SIRPG: variants seen among roughly 807,000 people sequenced by gnomAD.
SIRPG encodes signal-regulatory protein gamma.
SIRPG carries 38 observed loss-of-function variants against 35.7 expected under a neutral mutation model. That is an observed-to-expected ratio of 1.06 (90% CI 0.82 to 1.40). The LOEUF (loss-of-function observed/expected upper bound fraction) is 1.40. Among genes scored for constraint, SIRPG ranks in the 40% most tolerant of loss-of-function variants. The pLI is 0.00. For synonymous variants in SIRPG, 215 were observed against 190.4 expected, an observed-to-expected ratio of 1.13 and a Z score of -1.06; for missense variants, 519 against 483.0, an observed-to-expected ratio of 1.07 and a Z score of -0.70.
At chr20:1,672,239 A>G in the SIRPG span, among the ~76,000 whole-genome samples, 1 of 152,338 alleles carries the variant, frequency 6.6e-6, no homozygotes, top group East Asian at 1.9e-4. Flanking sequence ...GATGCTTCAT[A>G]TAAGTGAACA....
At chr20:1,683,826 G>A in the SIRPG span, among the ~76,000 whole-genome samples, 13 of 152,124 alleles carry the variant, frequency 8.5e-5, no homozygotes, top group East Asian at 3.9e-4. Flanking sequence ...AAAATTAGCC[G>A]GGCATGGTGG....
In SIRPG at chr20:1,649,448, A is replaced by G. The variant is rs201443740; in HGVS notation, c.74-40T>C. ...AAAGCAATCATTTTTTCATCCTTAC[A>G]TAATCCTGTATTTCCTCATGTTTAT... On this transcript the variant is annotated intron_variant, in intron 1 of 5. Transcript: ENST00000303415. The G allele has an allele frequency of 3.5e-4, 531 of 1,515,692 alleles. 1 individual carries two copies. The highest frequency in any genetic ancestry group is 1.9e-3 in the Middle Eastern group (11 of 5,704). 93.9% of individuals were successfully genotyped at this position (1,515,692 alleles called of 1,614,324 possible).
the SIRPG span, among the ~76,000 whole-genome samples, chr20:1,685,905 T>G: frequency 1.3e-5 from 2 of 152,152 alleles, no homozygotes; most frequent in Non-Finnish European, 2.9e-5. Flanking sequence ...CTCAGCTCAC[T>G]CTGTGGCCTT....
intron 1 of SIRPG, among the ~76,000 whole-genome samples, chr20:1,653,043 GA>G (rs1225472370): frequency 3.3e-5 from 5 of 151,848 alleles, no homozygotes; most frequent in Non-Finnish European, 7.4e-5. Context: ...AGGACTTAGT[GA>G]AAAAAAATCA....
chr20:1,650,949 AG>A (rs1285464085), intron 1 of SIRPG, among the ~76,000 whole-genome samples: 1 of 152,218 alleles, frequency 6.6e-6, no homozygotes, highest in East Asian at 1.9e-4. Context: ...CAGAAGACAG[AG>A]GGATGATATG....
chr20:1,650,889 G>T (rs561282664), intron 1 of SIRPG, among the ~76,000 whole-genome samples: 10 of 152,276 alleles, frequency 6.6e-5, no homozygotes, highest in Admixed American at 5.9e-4. Context: ...ACATACAAGA[G>T]ACCCTCAGTA....
the SIRPG span, among the ~76,000 whole-genome samples, chr20:1,674,619 A>T: frequency 1.3e-5 from 2 of 152,184 alleles, no homozygotes; most frequent in Non-Finnish European, 2.9e-5. Flanking sequence ...AATAACCTGA[A>T]CAACACCACC....
intron 2 of SIRPG, among the ~76,000 whole-genome samples, chr20:1,640,974 G>A (rs2091847519): frequency 6.6e-6 from 1 of 152,212 alleles, no homozygotes; most frequent in Admixed American, 6.5e-5. Flanking sequence ...TGATTGTGGT[G>A]GATAAACTTT....
At chr20:1,669,446 G>T in the SIRPG span, among the ~76,000 whole-genome samples, 1 of 152,362 alleles carries the variant, frequency 6.6e-6, no homozygotes, top group African/African-American at 2.4e-5. Flanking sequence ...AGAGGCTCAT[G>T]CTGTGACCAG....
the SIRPG span, among the ~76,000 whole-genome samples, chr20:1,674,325 C>T: frequency 6.6e-6 from 1 of 152,086 alleles, no homozygotes; most frequent in Non-Finnish European, 1.5e-5. Context: ...GAAGCACTGA[C>T]CCATCTGAGG....
At chr20:1,630,116 C>G in intron 5 of SIRPG, 106 bp downstream of exon 5, 1 of 875,820 alleles carries the variant, frequency 1.1e-6, no homozygotes, top group Non-Finnish European at 1.8e-6. Context: ...GCGGAGGGAG[C>G]TTAACTCCAC....
At chr20:1,665,488 G>T in the SIRPG span, 5 of 152,284 alleles carry the variant, frequency 3.3e-5, no homozygotes, top group Admixed American at 6.5e-5. Flanking sequence ...GCCCAACAAG[G>T]CTCCAAAACT....
chr20:1,662,590 G>A (rs1034207634), upstream of SIRPG, among the ~76,000 whole-genome samples: 1 of 152,162 alleles, frequency 6.6e-6, no homozygotes, highest in Non-Finnish European at 1.5e-5. Context: ...TTGAATTACA[G>A]TATACTAAAT....
chr20:1,659,265 T>C (rs1018056235), upstream of SIRPG, among the ~76,000 whole-genome samples: 2 of 152,266 alleles, frequency 1.3e-5, no homozygotes, highest in Non-Finnish European at 2.9e-5. Flanking sequence ...TCATCTCACA[T>C]GTGGGTTTTA....
chr20:1,670,866 T>A, the SIRPG span: 1 of 265,288 alleles, frequency 3.8e-6, no homozygotes, highest in Non-Finnish European at 7.7e-6. Context: ...GGGCTAGGAG[T>A]GAGGATTCTC....
chr20:1,670,773 G>A, the SIRPG span: 2 of 193,252 alleles, frequency 1.0e-5, no homozygotes, highest in African/African-American at 4.8e-5. Flanking sequence ...GGGCAGCACA[G>A]TTAGGAATTA....
the SIRPG span, among the ~76,000 whole-genome samples, chr20:1,683,194 G>A: frequency 6.6e-6 from 1 of 152,190 alleles, no homozygotes; most frequent in South Asian, 2.1e-4. Flanking sequence ...AATCCATAGT[G>A]AGGTATCATC....
At chr20:1,632,121 A>G (rs2122404877) in intron 4 of SIRPG, among the ~76,000 whole-genome samples, 1 of 152,252 alleles carries the variant, frequency 6.6e-6, no homozygotes, top group East Asian at 1.9e-4. Flanking sequence ...GGACCCTGAG[A>G]TGTGGGAGTG....
intron 1 of SIRPG, among the ~76,000 whole-genome samples, chr20:1,650,953 A>T (rs2122557230): frequency 6.6e-6 from 1 of 152,344 alleles, no homozygotes; most frequent in African/African-American, 2.4e-5. Flanking sequence ...AGACAGAGGG[A>T]TGATATGTTC....
Sources: gnomAD v4.1 joint callset for allele counts (sites outside exome capture counted in the v4.1 genomes callset) on GRCh38, gnomAD v4.1.1 for gene constraint, MANE v1.5 for transcripts, NCBI Gene and HGNC (gene_info 2026-07-23, HGNC 2026-07-21) for gene names.